TIMELESS: variants seen among roughly 807,000 people sequenced by gnomAD.
The protein encoded by TIMELESS is protein timeless homolog.
TIMELESS carries 124 observed loss-of-function variants against 164.3 expected under a neutral mutation model. The observed-to-expected ratio is 0.75, with a 90% CI of 0.65 to 0.88. The LOEUF (loss-of-function observed/expected upper bound fraction) is 0.88, where lower values mean the gene tolerates loss of function less well. TIMELESS is among the 40% of genes least tolerant of loss of function. The pLI is 0.00. For missense variants in TIMELESS, 1,422 were observed against 1,491.4 expected, an observed-to-expected ratio of 0.95 and a Z score of 0.77; for synonymous variants, 564 against 563.4, an observed-to-expected ratio of 1.00 and a Z score of -0.02.
chr12:56,442,879 G>A (rs1868296600), intron 1 of TIMELESS, among the ~76,000 whole-genome samples: 1 of 152,144 alleles, frequency 6.6e-6, no homozygotes, highest in Admixed American at 6.5e-5. Flanking sequence ...ACTGCAATCT[G>A]TGAACATAAA....
intron 1 of TIMELESS, among the ~76,000 whole-genome samples, chr12:56,439,509 C>T (rs1019001019): frequency 6.6e-6 from 1 of 152,026 alleles, no homozygotes; most frequent in African/African-American, 2.4e-5. Context: ...ATCCTCCCAC[C>T]TCAGCCTCCC....
In TIMELESS at chr12:56,418,173, G is replaced by C; in HGVS notation, c.3415C>G (p.Leu1139Val). The C allele has an allele frequency of 1.2e-6, 2 of 1,614,214 alleles. No individual in the cohort carries two copies. Among genetic ancestry groups the C allele is most frequent in the Non-Finnish European group, 1.7e-6 (2 of 1,180,044 alleles). Residue 1139 changes from leucine to valine, a missense_variant, in exon 27 of 29, where the codon CTA becomes GTA. Physicochemically the swap from Leu to Val is conservative, Grantham distance 32. Coordinates refer to ENST00000553532, the MANE Select transcript of TIMELESS (RefSeq NM_003920.5). ...AGGCCCGCTTTCTTCTTGTGGGCTA[G>C]CAAGAGGGCCCTCAGGGCTTGTGCT... ...HRAQALRALLLAHKKKAGLAS... is the reference protein window; with the variant it reads ...HRAQALRALLVAHKKKAGLAS...
chr12:56,448,682 T>A (rs1565692004), intron 1 of TIMELESS, among the ~76,000 whole-genome samples: 2 of 152,014 alleles, frequency 1.3e-5, no homozygotes, highest in Non-Finnish European at 2.9e-5. Context: ...TGAGCCGAGA[T>A]GGCGCCACTG....
intron 1 of TIMELESS, among the ~76,000 whole-genome samples, chr12:56,447,081 C>A (rs1464155486): frequency 6.6e-6 from 1 of 150,668 alleles, no homozygotes; most frequent in Non-Finnish European, 1.5e-5. Flanking sequence ...GCAATCTCGG[C>A]TCACTGCAAC....
chr12:56,433,076 G>C lies in TIMELESS; in HGVS notation c.481C>G (p.Leu161Val). Residue 161 changes from leucine to valine, a missense_variant, in exon 6 of 29, where the codon CTG becomes GTG. Leu to Val is a conservative substitution (Grantham distance 32, BLOSUM62 1). Coordinates refer to ENST00000553532, the MANE Select transcript of TIMELESS (RefSeq NM_003920.5). ...ACATGGAGAATATTTCTGACCAGCA[G>C]TAGGATCCGTTCAATCAGCAAGTTG... ...EDNLLIERILLLVRNILHVPA... is the reference protein window; with the variant it reads ...EDNLLIERILVLVRNILHVPA... 2.5e-6 allele frequency: 4 copies of C among 1,613,912 alleles called. No homozygotes were observed. Among genetic ancestry groups the C allele is most frequent in the Non-Finnish European group, 3.4e-6 (4 of 1,180,000 alleles).
rs113125615 is a variant in TIMELESS at position 56,430,218 on chromosome 12, C to T, written c.973G>A (p.Ala325Thr). The change falls in exon 10 of 29, where the codon GCC (alanine) becomes ACC (threonine). Residue 325 changes from alanine (A) to threonine (T), a missense_variant. Coordinates refer to ENST00000553532, the MANE Select transcript of TIMELESS (RefSeq NM_003920.5). ...PKKVPKRRQAARELSIQRRSA... is the reference protein window; with the variant it reads ...PKKVPKRRQATRELSIQRRSA... Reference sequence around the variant, plus strand: ...CGGCGCTGAATGGACAGCTCTCGGGCGGCCTGGCGACGTTTAGGCACCTTT... The same window carrying T: ...CGGCGCTGAATGGACAGCTCTCGGGTGGCCTGGCGACGTTTAGGCACCTTT... The T allele has an allele frequency of 1.8e-4, 298 of 1,614,000 alleles. 1 individual carries two copies. In the East Asian group the frequency reaches 3.8e-3, roughly 20 times the overall value.
intron 26 of TIMELESS, among the ~76,000 whole-genome samples, chr12:56,419,228 G>C: frequency 6.6e-6 from 1 of 151,586 alleles, no homozygotes; most frequent in East Asian, 2.0e-4. Flanking sequence ...CTGACCTCAG[G>C]TGATCCGCCT....
chr12:56,426,775 G>A (rs1881693033), intron 13 of TIMELESS, among the ~76,000 whole-genome samples: 1 of 151,988 alleles, frequency 6.6e-6, no homozygotes, highest in Non-Finnish European at 1.5e-5. Flanking sequence ...GGCCAGGCTG[G>A]TCGTGAACTC....
intron 5 of TIMELESS, 116 bp downstream of exon 5, chr12:56,433,265 T>C (rs1881955223): frequency 1.4e-6 from 2 of 1,381,064 alleles, no homozygotes; most frequent in African/African-American, 2.8e-5. Flanking sequence ...CCAGAGACTA[T>C]GGATCGGACT....
intron 1 of TIMELESS, among the ~76,000 whole-genome samples, chr12:56,445,422 CAAAAAAAAAAAAAAAAAAAAA>C (rs71081360): frequency 5.3e-5 from 1 of 18,718 alleles, no homozygotes; most frequent in African/African-American, 1.3e-4. Flanking sequence ...AACTCCACGT[CAAAAAAAAAAAAAAAAAAAAA>C]AAAAAAAAAA....
intron 1 of TIMELESS, among the ~76,000 whole-genome samples, chr12:56,436,951 C>T (rs1454899037): frequency 2.0e-5 from 3 of 148,268 alleles, no homozygotes; most frequent in Non-Finnish European, 4.5e-5. Context: ...TTTTTTGAGA[C>T]AGAGTCTCAC....
At chr12:56,435,354 CT>C (rs1450558666) in intron 1 of TIMELESS, among the ~76,000 whole-genome samples, 1 of 150,976 alleles carries the variant, frequency 6.6e-6, no homozygotes. Flanking sequence ...GAATCATCTT[CT>C]TTTAAAAAAA....
At chr12:56,445,953 T>C (rs1279977210) in intron 1 of TIMELESS, among the ~76,000 whole-genome samples, 1 of 152,162 alleles carries the variant, frequency 6.6e-6, no homozygotes, top group Non-Finnish European at 1.5e-5. Context: ...TCACCCAGAC[T>C]GGAGTGCAGT....
In TIMELESS at chr12:56,421,945, G is replaced by A. The variant is rs1326421612; in HGVS notation, c.2596C>T (p.His866Tyr). ...TCAGCCAGTCCCATCTGTACCAGAT[G>A]GTGGATGATCTGCTTGCGTGTTCGA... is the stretch of plus-strand genomic sequence containing the variant. The part of the protein sequence containing the change: ...VPRTRKQIIH[H>Y]LVQMGLADSV... The change falls in exon 21 of 29, where the codon CAT (histidine) becomes TAT (tyrosine). Residue 866 changes from histidine to tyrosine, a missense_variant. By Grantham distance (83) the His-to-Tyr change is moderately conservative. Transcript: ENST00000553532. The A allele has an allele frequency of 1.2e-6, 2 of 1,614,166 alleles. No individual in the cohort carries two copies. The highest frequency in any genetic ancestry group is 8.5e-7 in the Non-Finnish European group (1 of 1,180,038).
Position 56,418,340 on chromosome 12 carries a change from G to A in TIMELESS, c.3248C>T (p.Pro1083Leu). 1 of 1,610,332 alleles carries A rather than the reference G, an allele frequency of 6.2e-7. No homozygotes were observed. The highest frequency in any genetic ancestry group is 1.1e-5 in the South Asian group (1 of 90,804). The change falls in exon 27 of 29, where the codon CCA becomes CTA. Residue 1083 changes from proline to leucine, a missense_variant. Coordinates refer to ENST00000553532, the MANE Select transcript of TIMELESS (RefSeq NM_003920.5). ...ASGQETFWRI[P>L]AKLSPTQLRR... The stretch of plus-strand genomic sequence containing the variant: ...GAGCTGGGTAGGACTCAGCTTGGCT[G>A]GAATTCGCCAGAAGGTTTCCTACAG...
chr12:56,426,435 G>A (rs1468857827), intron 13 of TIMELESS, among the ~76,000 whole-genome samples: 1 of 150,086 alleles, frequency 6.7e-6, no homozygotes, highest in Non-Finnish European at 1.5e-5. Flanking sequence ...TGCCCAGGCT[G>A]GAGTGCAATG....
At chr12:56,434,019 C>A (rs1881986681) in intron 2 of TIMELESS, 55 bp downstream of exon 2, 1 of 1,611,112 alleles carries the variant, frequency 6.2e-7, no homozygotes, top group African/African-American at 1.3e-5. Flanking sequence ...AGGAATTCAA[C>A]AGACCTCCTT....
intron 13 of TIMELESS, 40 bp from the exon 14 acceptor site, chr12:56,425,192 AAG>A: frequency 6.5e-7 from 1 of 1,548,458 alleles, no homozygotes; most frequent in Non-Finnish European, 8.7e-7. Flanking sequence ...AAGAGAGCTA[AAG>A]AGGGCTTTCC....
At chr12:56,419,459 A>AGGGTGT (rs1555176392) in intron 26 of TIMELESS, among the ~76,000 whole-genome samples, 1 of 147,936 alleles carries the variant, frequency 6.8e-6, no homozygotes, top group Non-Finnish European at 1.5e-5. Flanking sequence ...AGACAGATGG[A>AGGGTGT]GTGTGTGTGT....
Sources: allele counts gnomAD v4.1 joint callset (sites outside exome capture counted in the v4.1 genomes callset), GRCh38; gene constraint gnomAD v4.1.1; transcripts MANE v1.5; gene names NCBI Gene and HGNC (gene_info 2026-07-23, HGNC 2026-07-21).